The following TNC variants were observed in gnomAD, a reference collection of about 807,000 sequenced individuals.
The protein encoded by TNC is tenascin.
Under a neutral mutation model 202.4 loss-of-function variants are expected in TNC, and 109 were observed. The observed-to-expected ratio is 0.54, with a 90% CI of 0.46 to 0.63. The LOEUF (loss-of-function observed/expected upper bound fraction) is 0.63. Ranked by LOEUF, TNC falls within the 30% of genes least tolerant of loss-of-function variation. TNC has a pLI of 0.00. For synonymous variants in TNC, 1,007 were observed against 1,089.7 expected (o/e 0.92, Z 1.50); for missense variants, 2,756 against 2,833.3 (o/e 0.97, Z 0.62).
chr9:115,095,882 T>C (rs947031083), intron 1 of TNC, among the ~76,000 whole-genome samples: 1 of 151,792 alleles, frequency 6.6e-6, no homozygotes, highest in African/African-American at 2.4e-5. Context: ...TTTAAGGATC[T>C]GGTAAGTCAA....
intron 10 of TNC, among the ~76,000 whole-genome samples, chr9:115,069,951 A>G (rs937444429): frequency 6.6e-6 from 1 of 151,390 alleles, no homozygotes; most frequent in Admixed American, 6.6e-5. Flanking sequence ...GTGTTAATGC[A>G]GAGGTGGAAG....
chr9:115,086,145 T>G lies in TNC; in HGVS notation c.1586A>C (p.Glu529Ala). Residue 529 changes from glutamate (E) to alanine (A), a missense_variant, in exon 3 of 28, where the codon GAA becomes GCA. By Grantham distance (107) the Glu-to-Ala change is moderately radical (BLOSUM62 -1). This residue lies in a region of TNC where 2,559 missense variants were observed against 2,546.0 expected (regional missense o/e 1.01). Transcript: ENST00000350763. ...EDGFTGPDCAELSCPNDCHGQ... is the reference protein window; with the variant it reads ...EDGFTGPDCAALSCPNDCHGQ... ...ATGGCAGTCATTTGGACAGGAGAGTTCTGCACAGTCAGGGCCGGTGAAGCC... is the reference window on the plus strand; with the variant it reads ...ATGGCAGTCATTTGGACAGGAGAGTGCTGCACAGTCAGGGCCGGTGAAGCC... The G allele has an allele frequency of 6.2e-7, 1 of 1,614,034 alleles. No homozygotes were observed.
At chr9:115,026,866 TG>T (rs1829529625) in intron 25 of TNC, among the ~76,000 whole-genome samples, 171 bp from the exon 26 acceptor site, 1 of 6,814 alleles carries the variant, frequency 1.5e-4, no homozygotes, top group African/African-American at 5.4e-4. Context: ...TGGGAGGGGG[TG>T]GGGGTGGGGG....
At chr9:115,055,725 G>A (rs543971348) in intron 15 of TNC, 4 of 152,586 alleles carry the variant, frequency 2.6e-5, no homozygotes, top group South Asian at 2.1e-4. Context: ...GAGACAGTGA[G>A]GTGGCTAAGA....
intron 19 of TNC, among the ~76,000 whole-genome samples, chr9:115,040,639 T>C (rs1204234125): frequency 6.6e-6 from 1 of 152,114 alleles, no homozygotes; most frequent in East Asian, 1.9e-4. Flanking sequence ...AGAATTTGGA[T>C]TTAAATTCAG....
At chr9:115,053,679 G>A (rs1395223833) in intron 15 of TNC, among the ~76,000 whole-genome samples, 1 of 152,064 alleles carries the variant, frequency 6.6e-6, no homozygotes, top group Non-Finnish European at 1.5e-5. Flanking sequence ...TTCTTTTTTA[G>A]TATCTACTGT....
In TNC at chr9:115,043,255, C is replaced by G. The variant is rs182957671; in HGVS notation, c.5126-914G>C. ...AGGGATTATTACATGCTGAAACCCA[C>G]AGAAATTCAGCAAGGGTTTTTTTTT... On this transcript the variant is annotated intron_variant, in intron 17 of 27. Coordinates refer to ENST00000350763, the MANE Select transcript of TNC (RefSeq NM_002160.4). 4.1e-4 allele frequency among the ~76,000 whole-genome samples: 63 copies of G among 152,262 alleles called. 1 individual carries two copies. Among genetic ancestry groups the G allele is most frequent in the Non-Finnish European group, 6.2e-4 (42 of 68,020 alleles).
intron 1 of TNC, among the ~76,000 whole-genome samples, chr9:115,101,024 T>C (rs1836192623): frequency 6.6e-6 from 1 of 152,202 alleles, no homozygotes; most frequent in Non-Finnish European, 1.5e-5. Context: ...AAAGTATTTC[T>C]AGACTTCTTG....
At chr9:115,112,934 G>A (rs1314749113) in intron 1 of TNC, among the ~76,000 whole-genome samples, 1 of 152,218 alleles carries the variant, frequency 6.6e-6, no homozygotes, top group African/African-American at 2.4e-5. Flanking sequence ...CCCTTGGGCA[G>A]CACTTGCTTA....
chr9:115,085,477 T>C (rs1834638058), intron 3 of TNC, among the ~76,000 whole-genome samples: 1 of 152,198 alleles, frequency 6.6e-6, no homozygotes, highest in Non-Finnish European at 1.5e-5. Flanking sequence ...GGAAATAAAG[T>C]TGATATTTAG....
chr9:115,040,887 G>T, intron 19 of TNC, 54 bp downstream of exon 19: 1 of 1,538,288 alleles, frequency 6.5e-7, no homozygotes, highest in Admixed American at 1.9e-5. Flanking sequence ...GGATGCACAA[G>T]TGACCTCTGA....
At chr9:115,057,099 CT>C in intron 15 of TNC, 53 bp downstream of exon 15, 1 of 1,554,644 alleles carries the variant, frequency 6.4e-7, no homozygotes, top group Admixed American at 1.8e-5. Flanking sequence ...AGGCTTCACC[CT>C]GCAAAGAAGA....
intron 13 of TNC, among the ~76,000 whole-genome samples, chr9:115,061,441 G>A (rs1171832315): frequency 6.6e-6 from 1 of 152,116 alleles, no homozygotes; most frequent in Non-Finnish European, 1.5e-5. Context: ...GAGTTGTACT[G>A]CTAAAAACAA....
intron 1 of TNC, among the ~76,000 whole-genome samples, chr9:115,095,211 C>T (rs74810309): frequency 0.1 from 7,276 of 69,912 alleles, 628 homozygotes; most frequent in East Asian, 0.5. Flanking sequence ...ATAATGTATG[C>T]GAAAGAAATG....
At chr9:115,059,579 G>C in intron 14 of TNC, 151 bp downstream of exon 14, 2 of 761,968 alleles carry the variant, frequency 2.6e-6, no homozygotes, top group Non-Finnish European at 2.1e-6. Context: ...CAAAGTCATA[G>C]CCCACAGGGA....
At chr9:115,098,822 T>A (rs973086090) in intron 1 of TNC, among the ~76,000 whole-genome samples, 2 of 152,192 alleles carry the variant, frequency 1.3e-5, no homozygotes, top group Non-Finnish European at 2.9e-5. Context: ...GTTGCTTACA[T>A]GGGCGTTCTT....
rs748944098 is a variant in TNC, at chr9:115,020,676, C to T, written c.*481G>A. On this transcript the variant is annotated 3_prime_UTR_variant, in exon 28 of 28. Transcript: ENST00000350763. ...TTATATTAATAATATTAATCATATCCTTAAAATGGAAACAGTATTGCTTTT... is the reference window on the plus strand; with the variant it reads ...TTATATTAATAATATTAATCATATCTTTAAAATGGAAACAGTATTGCTTTT... The T allele has an allele frequency of 2.9e-6, 1 of 341,036 alleles. No homozygotes were observed. Among genetic ancestry groups the T allele is most frequent in the African/African-American group, 2.2e-5 (1 of 46,200 alleles). The allele number at this position is 341,036 out of a possible 1,614,324, so 21.1% of individuals were successfully genotyped here. A position where few individuals can be genotyped will look rare whatever the true frequency, so the allele number is the denominator to read the frequency against.
In TNC at chr9:115,078,049, G is replaced by C. The variant is rs772908312; in HGVS notation, c.2568C>G (p.Asn856Lys). The part of the protein sequence containing the change: ...RTTIDLTEDE[N>K]QYSIGNLKPD... ...GCTTCAGGTTCCCGATGGAGTACTG[G>C]TTCTCGTCCTCTGTGAGATCGATGG... is the stretch of plus-strand genomic sequence containing the variant. The change falls in exon 7 of 28, where the codon AAC (asparagine) becomes AAG (lysine). Residue 856 changes from asparagine (N) to lysine (K), a missense_variant. Asn to Lys is a moderately conservative substitution (Grantham distance 94, BLOSUM62 0). This residue lies in a region of TNC where 2,559 missense variants were observed against 2,546.0 expected (regional missense o/e 1.01). Transcript: ENST00000350763. 1 of 1,614,212 alleles carries C rather than the reference G, an allele frequency of 6.2e-7. No homozygotes were observed. Among genetic ancestry groups the C allele is most frequent in the South Asian group, 1.1e-5 (1 of 91,078 alleles).
intron 4 of TNC, among the ~76,000 whole-genome samples, chr9:115,083,901 G>A (rs1215854212): frequency 6.6e-6 from 1 of 152,012 alleles, no homozygotes; most frequent in African/African-American, 2.4e-5. Context: ...CACCATGCCC[G>A]GCCAAATGAG....
Sources: allele counts gnomAD v4.1 joint callset (sites outside exome capture counted in the v4.1 genomes callset), GRCh38; gene constraint gnomAD v4.1.1; regional missense constraint gnomAD v4.1.1; transcripts MANE v1.5; gene names NCBI Gene and HGNC (gene_info 2026-07-23, HGNC 2026-07-21).